PDIA5: variants seen among roughly 807,000 people sequenced by gnomAD.
PDIA5 encodes protein disulfide isomerase family A member 5, also known as protein disulfide-isomerase A5.
A neutral mutation model predicts 77.6 loss-of-function variants in PDIA5; 58 were observed. The observed-to-expected ratio is 0.75, with a 90% CI of 0.61 to 0.93. The LOEUF (loss-of-function observed/expected upper bound fraction) is 0.93. Among genes scored for constraint, PDIA5 ranks in the 40% least tolerant of loss-of-function variants. The probability of loss-of-function intolerance (pLI) is 0.00; values close to 1 mark genes in which losing one functional copy is unlikely to be tolerated. For synonymous variants in PDIA5, 250 were observed against 252.1 expected (o/e 0.99, Z 0.08); for missense variants, 630 against 647.7 (o/e 0.97, Z 0.30).
intron 1 of PDIA5, among the ~76,000 whole-genome samples, chr3:123,088,757 A>T (rs1349480728): frequency 6.6e-6 from 1 of 152,200 alleles, no homozygotes; most frequent in Non-Finnish European, 1.5e-5. Context: ...AATCATCTCT[A>T]GATTTTTTAT....
chr3:123,071,703 G>A (rs1341486585), intron 1 of PDIA5, among the ~76,000 whole-genome samples: 3 of 152,168 alleles, frequency 2.0e-5, no homozygotes, highest in Non-Finnish European at 4.4e-5. Flanking sequence ...GTGGGACACC[G>A]AGTGATCAGA....
chr3:123,091,694 T>C (rs144314892), intron 2 of PDIA5, among the ~76,000 whole-genome samples: 1 of 152,330 alleles, frequency 6.6e-6, no homozygotes, highest in East Asian at 1.9e-4. Flanking sequence ...ATTCCTGCAA[T>C]TGACCCCTGG....
chr3:123,150,181 C>T, intron 13 of PDIA5, 53 bp from the exon 14 acceptor site: 1 of 1,447,900 alleles, frequency 6.9e-7, no homozygotes, highest in South Asian at 1.2e-5. Flanking sequence ...TTTCCTTGCC[C>T]ATCTAAAAAT....
rs143710707 is a variant in PDIA5 at position 123,130,030 on chromosome 3, C to T, written c.774-450C>T. Among the ~76,000 whole-genome samples, 32 of 152,362 alleles carry T rather than the reference C, an allele frequency of 2.1e-4. No homozygotes were observed. In the East Asian group the frequency reaches 6.0e-3, roughly 28 times the overall value. Reference sequence around the variant, plus strand: ...CTCTCTCCTCCTCACCCCCTCCTCTCTGTACCCTCTTCCTCCCCTCCACTG... The same window carrying T: ...CTCTCTCCTCCTCACCCCCTCCTCTTTGTACCCTCTTCCTCCCCTCCACTG... On this transcript the variant is annotated intron_variant, in intron 10 of 16. Coordinates refer to ENST00000316218, the MANE Select transcript of PDIA5 (RefSeq NM_006810.4).
At chr3:123,139,903 A>G (rs1377168412) in intron 11 of PDIA5, among the ~76,000 whole-genome samples, 1 of 152,172 alleles carries the variant, frequency 6.6e-6, no homozygotes, top group Non-Finnish European at 1.5e-5. Flanking sequence ...GCACATACAG[A>G]GCCTCCATTC....
intron 8 of PDIA5, among the ~76,000 whole-genome samples, chr3:123,118,294 A>G (rs955254418): frequency 1.3e-5 from 2 of 152,226 alleles, no homozygotes; most frequent in African/African-American, 4.8e-5. Context: ...TGGGACCTCA[A>G]TAGACACCAT....
At chr3:123,099,346 A>G (rs1047527834) in intron 3 of PDIA5, among the ~76,000 whole-genome samples, 9 of 152,226 alleles carry the variant, frequency 5.9e-5, no homozygotes, top group African/African-American at 2.2e-4. Flanking sequence ...CTGGGGAGAT[A>G]GCTGTGCACA....
At chr3:123,157,617 T>A (rs1426226406) in intron 15 of PDIA5, among the ~76,000 whole-genome samples, 1 of 152,176 alleles carries the variant, frequency 6.6e-6, no homozygotes, top group Non-Finnish European at 1.5e-5. Flanking sequence ...TCCCAATCAA[T>A]ATGCAGTTGG....
chr3:123,085,888 C>G (rs1934125696), intron 1 of PDIA5, among the ~76,000 whole-genome samples: 1 of 152,166 alleles, frequency 6.6e-6, no homozygotes, highest in South Asian at 2.1e-4. Context: ...TAATCATGTG[C>G]ATTGAGCTGT....
chr3:123,103,604 G>T (rs1053594808), intron 5 of PDIA5, among the ~76,000 whole-genome samples: 2 of 152,092 alleles, frequency 1.3e-5, no homozygotes, highest in African/African-American at 4.8e-5. Flanking sequence ...GCAGCTGTCA[G>T]TGTCCCTCTC....
chr3:123,147,883 A>T (rs1935805732), intron 13 of PDIA5, among the ~76,000 whole-genome samples: 1 of 152,068 alleles, frequency 6.6e-6, no homozygotes, highest in Non-Finnish European at 1.5e-5. Context: ...GGTCCCTGTG[A>T]TGCTTGGACT....
At chr3:123,110,347 C>T (rs544701481) in intron 6 of PDIA5, among the ~76,000 whole-genome samples, 1 of 152,356 alleles carries the variant, frequency 6.6e-6, no homozygotes, top group South Asian at 2.1e-4. Flanking sequence ...CCCCCTCCTT[C>T]TGCCCTGTGT....
chr3:123,139,128 A>G (rs991018423), intron 11 of PDIA5, among the ~76,000 whole-genome samples: 2 of 152,214 alleles, frequency 1.3e-5, no homozygotes, highest in Non-Finnish European at 2.9e-5. Flanking sequence ...ACTTACACAG[A>G]TGATAAAAGC....
chr3:123,115,177 A>G (rs745764986), intron 7 of PDIA5, among the ~76,000 whole-genome samples: 1 of 152,146 alleles, frequency 6.6e-6, no homozygotes, highest in Non-Finnish European at 1.5e-5. Context: ...TGTGCTCTTC[A>G]GATGCATCTT....
Position 123,102,402 on chromosome 3 carries a change from G to A in PDIA5, c.258-9G>A. On this transcript the variant is annotated splice_polypyrimidine_tract_variant and intron_variant, in intron 3 of 16. Coordinates refer to ENST00000316218, the MANE Select transcript of PDIA5 (RefSeq NM_006810.4). ...GTAATAAATGGTTCCCAACATTTGTGTCTTCCAGTGATGCAGAGAGTAGAA... is the reference window on the plus strand; with the variant it reads ...GTAATAAATGGTTCCCAACATTTGTATCTTCCAGTGATGCAGAGAGTAGAA... 1 of 1,609,812 alleles carries A rather than the reference G, an allele frequency of 6.2e-7. No homozygotes were observed. Among genetic ancestry groups the A allele is most frequent in the Non-Finnish European group, 8.5e-7 (1 of 1,176,080 alleles).
intron 13 of PDIA5, among the ~76,000 whole-genome samples, chr3:123,146,759 C>T (rs765412896): frequency 9.9e-5 from 15 of 152,262 alleles, no homozygotes; most frequent in Non-Finnish European, 1.6e-4. Flanking sequence ...AGTAACAGAC[C>T]AGGTGGCTCA....
chr3:123,100,649 G>A (rs556056294), intron 3 of PDIA5, among the ~76,000 whole-genome samples: 1 of 152,322 alleles, frequency 6.6e-6, no homozygotes, highest in Non-Finnish European at 1.5e-5. Flanking sequence ...GGGGCAGGGA[G>A]ACACTCCTCC....
chr3:123,093,978 C>T lies in PDIA5; in HGVS notation c.257+1536C>T, dbSNP rs141290587. On this transcript the variant is annotated intron_variant, in intron 3 of 16. Transcript: ENST00000316218. ...CCTGAGCGGCCTGGAAAACATGCAG[C>T]GCAGGGTGCCTGAGTGAAATGGGGT... Among the ~76,000 whole-genome samples the T allele has an allele frequency of 1.4e-3, 216 of 152,266 alleles. 1 individual carries two copies. Among genetic ancestry groups the T allele is most frequent in the African/African-American group, 4.9e-3 (203 of 41,560 alleles).
At chr3:123,084,571 G>A (rs1934086931) in intron 1 of PDIA5, among the ~76,000 whole-genome samples, 1 of 152,042 alleles carries the variant, frequency 6.6e-6, no homozygotes, top group Non-Finnish European at 1.5e-5. Flanking sequence ...ACCTGGAGGA[G>A]GCCTGTATTT....
Sources: gnomAD v4.1 joint callset for allele counts (sites outside exome capture counted in the v4.1 genomes callset) on GRCh38, gnomAD v4.1.1 for gene constraint, MANE v1.5 for transcripts, NCBI Gene and HGNC (gene_info 2026-07-23, HGNC 2026-07-21) for gene names.